The following EXT1 variants were observed in gnomAD, a reference collection of about 807,000 sequenced individuals.
The protein encoded by EXT1 is exostosin glycosyltransferase 1.
A neutral mutation model predicts 82.5 loss-of-function variants in EXT1; 20 were observed. That is an observed-to-expected ratio of 0.24 (90% CI 0.17 to 0.35). The LOEUF (loss-of-function observed/expected upper bound fraction) is 0.35. EXT1 is among the 10% of genes least tolerant of loss of function. The pLI, the probability that EXT1 is intolerant of heterozygous loss-of-function variation, is 1.00. For synonymous variants in EXT1, 348 were observed against 350.8 expected, an observed-to-expected ratio of 0.99 and a Z score of 0.09; for missense variants, 757 against 936.5, an observed-to-expected ratio of 0.81 and a Z score of 2.50.
chr8:117,992,411 C>T (rs1456780133), intron 1 of EXT1, among the ~76,000 whole-genome samples: 1 of 135,552 alleles, frequency 7.4e-6, no homozygotes, highest in Non-Finnish European at 1.6e-5. Context: ...AAATAAGCCT[C>T]AACGGGACCT....
At chr8:118,001,058 A>C (rs932801728) in intron 1 of EXT1, among the ~76,000 whole-genome samples, 4 of 152,214 alleles carry the variant, frequency 2.6e-5, no homozygotes, top group African/African-American at 9.6e-5. Context: ...CGATCAACCC[A>C]TTCCTGGGAG....
At chr8:117,954,678 T>C (rs1366197524) in intron 1 of EXT1, among the ~76,000 whole-genome samples, 1 of 152,184 alleles carries the variant, frequency 6.6e-6, no homozygotes, top group East Asian at 1.9e-4. Flanking sequence ...ACACTCTGCA[T>C]CTGTGAATTA....
At chr8:118,098,373 GCAGGGC>G (rs1349730884) in intron 1 of EXT1, among the ~76,000 whole-genome samples, 1 of 152,008 alleles carries the variant, frequency 6.6e-6, no homozygotes, top group Non-Finnish European at 1.5e-5. Flanking sequence ...CCTTAGGCAG[GCAGGGC>G]CAGCCCTAGC....
chr8:118,109,107 G>C (rs750351855), intron 1 of EXT1, among the ~76,000 whole-genome samples: 5 of 152,186 alleles, frequency 3.3e-5, no homozygotes, highest in Non-Finnish European at 5.9e-5. Flanking sequence ...GTGGAATTTA[G>C]CTTTGACTCC....
chr8:117,821,813 G>A (rs567685237), intron 5 of EXT1, among the ~76,000 whole-genome samples: 5 of 152,118 alleles, frequency 3.3e-5, no homozygotes, highest in Non-Finnish European at 7.4e-5. Flanking sequence ...GAGAGCAACT[G>A]GGGGTCCAAA....
At chr8:117,955,247 T>C (rs772030271) in intron 1 of EXT1, among the ~76,000 whole-genome samples, 2 of 152,106 alleles carry the variant, frequency 1.3e-5, no homozygotes, top group Non-Finnish European at 2.9e-5. Context: ...CCAAACCTCA[T>C]AGTTTAGAAA....
intron 1 of EXT1, among the ~76,000 whole-genome samples, chr8:118,038,061 G>A (rs1724110290): frequency 6.6e-6 from 1 of 151,966 alleles, no homozygotes; most frequent in Admixed American, 6.6e-5. Flanking sequence ...CCTGACCACA[G>A]GTGATTCACC....
chr8:117,927,612 G>C (rs1813977729), intron 1 of EXT1, among the ~76,000 whole-genome samples: 1 of 152,066 alleles, frequency 6.6e-6, no homozygotes, highest in African/African-American at 2.4e-5. Flanking sequence ...AATAATCTTA[G>C]TCATAACAGC....
chr8:118,111,256 C>T lies in EXT1; in HGVS notation c.-210G>A. 1 of 730,386 alleles carries T rather than the reference C, an allele frequency of 1.4e-6. No homozygotes were observed. Among genetic ancestry groups the T allele is most frequent in the Admixed American group, 2.3e-5 (1 of 44,294 alleles). 45.2% of individuals were successfully genotyped at this position (730,386 alleles called of 1,614,324 possible). ...AACTTTCTCCCCTTCGGTCTTTCAT[C>T]TTTGGGTTGCACAATGCACGGGAGA... On this transcript the variant is annotated 5_prime_UTR_variant, in exon 1 of 11. Transcript: ENST00000378204.
intron 1 of EXT1, among the ~76,000 whole-genome samples, chr8:117,883,641 C>T (rs1813098912): frequency 6.6e-6 from 1 of 152,166 alleles, no homozygotes; most frequent in Admixed American, 6.5e-5. Flanking sequence ...AGCAGGCAAA[C>T]AGACAAACCC....
chr8:117,876,836 G>C (rs1245165164), intron 1 of EXT1, among the ~76,000 whole-genome samples: 2 of 152,160 alleles, frequency 1.3e-5, no homozygotes, highest in Non-Finnish European at 2.9e-5. Context: ...TATTAAGTCG[G>C]AGGCCATCTT....
intron 1 of EXT1, among the ~76,000 whole-genome samples, chr8:118,046,678 C>A (rs2129914976): frequency 6.6e-6 from 1 of 152,290 alleles, no homozygotes; most frequent in East Asian, 1.9e-4. Context: ...TACTTCCCTT[C>A]TAAAATTGAA....
rs1816097412 is a variant in EXT1, at chr8:118,021,185, GCCTA to G, written c.962+88896_962+88899del. Reference sequence around the variant, plus strand: ...AGGGAGGCTTTAATTGGTAAGGACTGCCTAACTGTGCACTTTGAGTTGCTTCTAT... The same window carrying G: ...AGGGAGGCTTTAATTGGTAAGGACTGACTGTGCACTTTGAGTTGCTTCTAT... On this transcript the variant is annotated intron_variant, in intron 1 of 10. Coordinates refer to ENST00000378204, the MANE Select transcript of EXT1 (RefSeq NM_000127.3). Among the ~76,000 whole-genome samples the G allele has an allele frequency of 2.6e-5, 4 of 152,308 alleles. No individual in the cohort carries two copies. The South Asian group carries it at 8.3e-4, about 32-fold the overall frequency.
At chr8:118,010,780 T>C (rs1390354390) in intron 1 of EXT1, among the ~76,000 whole-genome samples, 1 of 152,200 alleles carries the variant, frequency 6.6e-6, no homozygotes, top group Non-Finnish European at 1.5e-5. Flanking sequence ...GTTTAAGGAC[T>C]CTCTTGGCTC....
intron 1 of EXT1, among the ~76,000 whole-genome samples, chr8:117,941,864 C>A (rs571498960): frequency 4.6e-5 from 7 of 152,190 alleles, no homozygotes; most frequent in African/African-American, 1.7e-4. Flanking sequence ...AATGGCTGGG[C>A]AGCCTCACCC....
intron 1 of EXT1, among the ~76,000 whole-genome samples, chr8:117,964,883 C>A (rs901153111): frequency 3.9e-5 from 6 of 152,126 alleles, no homozygotes; most frequent in African/African-American, 7.2e-5. Context: ...GGTGATCTGC[C>A]CGCCTTGGCC....
chr8:118,007,501 G>T (rs1031091566), intron 1 of EXT1, among the ~76,000 whole-genome samples: 3 of 152,212 alleles, frequency 2.0e-5, no homozygotes, highest in Admixed American at 2.0e-4. Context: ...AACAGTTAGT[G>T]CATGTGGGGC....
At chr8:118,085,417 T>C (rs935458641) in intron 1 of EXT1, among the ~76,000 whole-genome samples, 2 of 152,004 alleles carry the variant, frequency 1.3e-5, no homozygotes, top group African/African-American at 4.8e-5. Flanking sequence ...AAGGTTAGTA[T>C]TTCCTATAGA....
chr8:118,064,314 T>G (rs1816937564), intron 1 of EXT1, among the ~76,000 whole-genome samples: 1 of 152,168 alleles, frequency 6.6e-6, no homozygotes. Flanking sequence ...TTTCTCCTAA[T>G]GCCATCCCTC....
Sources: gnomAD v4.1 joint callset for allele counts (sites outside exome capture counted in the v4.1 genomes callset) on GRCh38, gnomAD v4.1.1 for gene constraint, MANE v1.5 for transcripts, NCBI Gene and HGNC (gene_info 2026-07-23, HGNC 2026-07-21) for gene names.